The following TDG variants were observed in gnomAD, a reference collection of about 807,000 sequenced individuals.
TDG encodes G/T mismatch-specific thymine DNA glycosylase.
In TDG, 23 loss-of-function variants were observed where a neutral mutation model predicts 46.1. The ratio of observed to expected loss-of-function variants is 0.50; its 90% CI spans 0.36 to 0.71. The LOEUF (loss-of-function observed/expected upper bound fraction) is 0.71. Ranked by LOEUF, TDG falls within the 30% of genes least tolerant of loss-of-function variation. The pLI, the probability that TDG is intolerant of heterozygous loss-of-function variation, is 0.00. For missense variants in TDG, 304 were observed against 486.7 expected (o/e 0.62, Z 3.53); for synonymous variants, 115 against 161.3 (o/e 0.71, Z 2.18).
At chr12:103,967,695 G>A (rs1415294628) in intron 1 of TDG, among the ~76,000 whole-genome samples, 1 of 152,058 alleles carries the variant, frequency 6.6e-6, no homozygotes, top group Non-Finnish European at 1.5e-5. Context: ...GCCCTCAAGT[G>A]ATCCACCTGC....
At position 103,987,938 on chromosome 12, in the gene TDG, G is replaced by A. The variant is rs1593521784; in HGVS notation, c.*848G>A. 2 of 152,702 alleles carry A rather than the reference G, an allele frequency of 1.3e-5. No homozygotes were observed. Among genetic ancestry groups the A allele is most frequent in the South Asian group, 4.2e-4 (2 of 4,818 alleles). The allele number at this position is 152,702 out of a possible 1,614,324, so 9.5% of individuals were successfully genotyped here. ...GAACTTCTAGGCTAAGCAAAAAGAT[G>A]CTGGAGATATTTGATACTCTCATTT... is the stretch of plus-strand genomic sequence containing the variant. On this transcript the variant is annotated 3_prime_UTR_variant, in exon 10 of 10. Transcript: ENST00000392872.
Position 103,985,720 on chromosome 12 carries a change from A to G in TDG, c.1082A>G (p.Asn361Ser). The G allele has an allele frequency of 6.2e-7, 1 of 1,613,088 alleles. No homozygotes were observed. Residue 361 changes from asparagine (N) to serine (S), a missense_variant, in exon 9 of 10, where the codon AAT becomes AGT. Asn to Ser is a conservative substitution (Grantham distance 46, BLOSUM62 1). Transcript: ENST00000392872. ...AGTGAACCTTGTGGCTTCTCTTCAAATGGGCTAAGTATGGTTCCCTCCACA... is the reference window on the plus strand; with the variant it reads ...AGTGAACCTTGTGGCTTCTCTTCAAGTGGGCTAAGTATGGTTCCCTCCACA... ...CSSEPCGFSS[N>S]GLIESVELRG...
intron 1 of TDG, among the ~76,000 whole-genome samples, chr12:103,974,314 TC>T (rs1871418728): frequency 6.6e-6 from 1 of 151,928 alleles, no homozygotes; most frequent in South Asian, 2.1e-4. Flanking sequence ...TCTCGTTCTG[TC>T]CCCCAGGCTG....
At chr12:103,977,130 G>A in intron 2 of TDG, 70 bp downstream of exon 2, 1 of 1,552,382 alleles carries the variant, frequency 6.4e-7, no homozygotes, top group South Asian at 1.2e-5. Context: ...AGGGTTTCAT[G>A]GTGAATTTTA....
chr12:103,988,630 G>A lies in TDG; in HGVS notation c.*1540G>A, dbSNP rs1872328961. 6.5e-6 allele frequency: 1 copy of A among 152,734 alleles called. No individual in the cohort carries two copies. Among genetic ancestry groups the A allele is most frequent in the African/African-American group, 2.4e-5 (1 of 41,488 alleles). 9.5% of individuals were successfully genotyped at this position (152,734 alleles called of 1,614,324 possible). A position where few individuals can be genotyped will look rare whatever the true frequency, so the allele number is the denominator to read the frequency against. Reference sequence around the variant, plus strand: ...AACTATTGTAGCTTTACAAGAGATTGTTTTATTTGAATGGGGAAAATACCC... The same window carrying A: ...AACTATTGTAGCTTTACAAGAGATTATTTTATTTGAATGGGGAAAATACCC... On this transcript the variant is annotated 3_prime_UTR_variant, in exon 10 of 10. Transcript: ENST00000392872.
At position 103,980,029 on chromosome 12, in the gene TDG, A is replaced by G; in HGVS notation, c.365A>G (p.Lys122Arg). 1 of 1,614,198 alleles carries G rather than the reference A, an allele frequency of 6.2e-7. No individual in the cohort carries two copies. The highest frequency in any genetic ancestry group is 1.1e-5 in the South Asian group (1 of 91,086). ...GTTTCAGAAGCTGAACTTCTGACCA[A>G]GACTCTCCCCGATATTTTGACCTTC... The part of the protein sequence containing the change: ...NGVSEAELLT[K>R]TLPDILTFNL... The change falls in exon 3 of 10, where the codon AAG becomes AGG. Residue 122 changes from lysine (K) to arginine (R), a missense_variant. Coordinates refer to ENST00000392872, the MANE Select transcript of TDG (RefSeq NM_003211.6).
chr12:103,985,162 C>CAT (rs1555275223), intron 8 of TDG, among the ~76,000 whole-genome samples: 47 of 122,808 alleles, frequency 3.8e-4, no homozygotes, highest in African/African-American at 7.5e-4. Flanking sequence ...TATATATAGA[C>CAT]ACATACACAC....
At chr12:103,974,271 T>TTTGTTGTTGTTG (rs56774626) in intron 1 of TDG, among the ~76,000 whole-genome samples, 10 of 150,338 alleles carry the variant, frequency 6.7e-5, no homozygotes, top group African/African-American at 2.4e-4. Context: ...TTTGCCCTCT[T>TTTGTTGTTGTTG]TTGTTGTTGT....
rs867420542 is a variant in TDG at position 103,987,416 on chromosome 12, T to C, written c.*326T>C. 1 of 233,780 alleles carries C rather than the reference T, an allele frequency of 4.3e-6. No individual in the cohort carries two copies. The highest frequency in any genetic ancestry group is 8.2e-6 in the Non-Finnish European group (1 of 122,534). The allele number at this position is 233,780 out of a possible 1,614,324, so 14.5% of individuals were successfully genotyped here. A position where few individuals can be genotyped will look rare whatever the true frequency, so the allele number is the denominator to read the frequency against. ...AAAATACAAGTCTGAATATTTATAG[T>C]TGATTCTTAACTGCATAAACCTAGA... On this transcript the variant is annotated 3_prime_UTR_variant, in exon 10 of 10. Coordinates refer to ENST00000392872, the MANE Select transcript of TDG (RefSeq NM_003211.6).
At chr12:103,984,647 G>A (rs983078930) in intron 7 of TDG, 102 bp from the exon 8 acceptor site, 2 of 907,418 alleles carry the variant, frequency 2.2e-6, no homozygotes, top group Admixed American at 7.6e-5. Context: ...ATGTAGTTAA[G>A]TATCAAGTTA....
At chr12:103,966,216 C>T (rs1330965532) in intron 1 of TDG, among the ~76,000 whole-genome samples, 156 bp downstream of exon 1, 2 of 152,206 alleles carry the variant, frequency 1.3e-5, no homozygotes, top group East Asian at 1.9e-4. Flanking sequence ...GCCTTTCCTT[C>T]CCTGGCTGCG....
intron 8 of TDG, 73 bp downstream of exon 8, chr12:103,984,993 A>G: frequency 8.1e-7 from 1 of 1,231,622 alleles, no homozygotes; most frequent in East Asian, 3.0e-5. Context: ...ACATATATAT[A>G]CACATATACA....
chr12:103,985,138 CAT>C (rs1398035081), intron 8 of TDG, among the ~76,000 whole-genome samples: 4 of 110,132 alleles, frequency 3.6e-5, no homozygotes, highest in South Asian at 3.7e-4. Context: ...TGTGCGTATA[CAT>C]ATGTGTGTGT....
At chr12:103,978,595 C>A (rs1871652127) in intron 2 of TDG, among the ~76,000 whole-genome samples, 2 of 152,266 alleles carry the variant, frequency 1.3e-5, no homozygotes, top group South Asian at 4.1e-4. Flanking sequence ...GGACTGACTG[C>A]CTGTATCCTG....
At chr12:103,984,491 G>C (rs903158698) in intron 7 of TDG, among the ~76,000 whole-genome samples, 17 of 152,152 alleles carry the variant, frequency 1.1e-4, no homozygotes, top group African/African-American at 3.9e-4. Context: ...CTACGTAGGA[G>C]GCTGAGGCAG....
At chr12:103,986,503 CCT>C (rs1266263463) in intron 9 of TDG, 1 of 151,532 alleles carries the variant, frequency 6.6e-6, no homozygotes, top group Non-Finnish European at 1.5e-5. Context: ...TCGAGACCAG[CCT>C]GGCCAACATG....
chr12:103,978,773 G>A (rs978700828), intron 2 of TDG, among the ~76,000 whole-genome samples: 3 of 152,180 alleles, frequency 2.0e-5, no homozygotes, highest in African/African-American at 7.2e-5. Context: ...AGGGACATTT[G>A]ACATTGTCTG....
chr12:103,967,613 G>T (rs749931422), intron 1 of TDG, among the ~76,000 whole-genome samples: 5 of 151,472 alleles, frequency 3.3e-5, no homozygotes, highest in African/African-American at 4.9e-5. Flanking sequence ...CCTGCCACCA[G>T]GCCTGGCTAA....
intron 1 of TDG, 85 bp downstream of exon 1, chr12:103,966,145 C>T (rs1566175893): frequency 2.1e-6 from 3 of 1,396,100 alleles, no homozygotes; most frequent in South Asian, 1.5e-5. Context: ...ACGCAGGGGT[C>T]TTTTAAATCC....
Sources: allele counts gnomAD v4.1 joint callset (sites outside exome capture counted in the v4.1 genomes callset), GRCh38; gene constraint gnomAD v4.1.1; transcripts MANE v1.5; gene names NCBI Gene and HGNC (gene_info 2026-07-23, HGNC 2026-07-21).